SCN9A: variants seen among roughly 807,000 people sequenced by gnomAD.
SCN9A encodes the protein sodium voltage-gated channel alpha subunit 9.
Under a neutral mutation model 187.0 loss-of-function variants are expected in SCN9A, and 131 were observed. The observed-to-expected ratio is 0.70, with a 90% CI of 0.61 to 0.81. SCN9A has a LOEUF of 0.81. Ranked by LOEUF, SCN9A falls within the 30% of genes least tolerant of loss-of-function variation. SCN9A has a pLI of 0.00. For synonymous variants in SCN9A, 809 were observed against 808.6 expected, an observed-to-expected ratio of 1.00 and a Z score of -0.01; for missense variants, 2,252 against 2,396.6, an observed-to-expected ratio of 0.94 and a Z score of 1.26.
intron 1 of SCN9A, among the ~76,000 whole-genome samples, chr2:166,333,042 T>G (rs1324914791): frequency 6.6e-6 from 1 of 151,618 alleles, no homozygotes; most frequent in African/African-American, 2.4e-5. Flanking sequence ...ATAAATAGTA[T>G]AATAAAGTTA....
At chr2:166,372,009 A>C (rs1040893203) in intron 1 of SCN9A, among the ~76,000 whole-genome samples, 1 of 152,100 alleles carries the variant, frequency 6.6e-6, no homozygotes, top group African/African-American at 2.4e-5. Context: ...GTTAATAGCA[A>C]AACTAGTTGT....
chr2:166,313,504 G>C (rs1699030246), intron 1 of SCN9A, among the ~76,000 whole-genome samples: 1 of 151,998 alleles, frequency 6.6e-6, no homozygotes, highest in Non-Finnish European at 1.5e-5. Context: ...CAATCTCATG[G>C]GGTACCGTCT....
At chr2:166,227,647 G>A in intron 23 of SCN9A, 23 bp downstream of exon 23, 1 of 1,357,158 alleles carries the variant, frequency 7.4e-7, no homozygotes, top group Non-Finnish European at 1.0e-6. Flanking sequence ...ATAAAGTTTA[G>A]TGCTAAGATA....
intron 17 of SCN9A, among the ~76,000 whole-genome samples, chr2:166,254,939 T>A (rs1173033267): frequency 6.6e-6 from 1 of 151,500 alleles, no homozygotes; most frequent in Non-Finnish European, 1.5e-5. Context: ...CCTGCCTTTT[T>A]ATTGAATAAT....
intron 2 of SCN9A, among the ~76,000 whole-genome samples, chr2:166,308,857 C>T (rs755619723): frequency 3.7e-5 from 5 of 136,594 alleles, no homozygotes; most frequent in Non-Finnish European, 6.1e-5. Context: ...ACCCGGGAGG[C>T]GGAGCTTGCA....
rs1268542898 is a variant in SCN9A at position 166,222,944 on chromosome 2, AC to A, written c.4398+3622del. Among the ~76,000 whole-genome samples, 45 of 54,988 alleles carry A rather than the reference AC, an allele frequency of 8.2e-4. 4 individuals are homozygous for A. The highest frequency in any genetic ancestry group is 1.4e-3 in the African/African-American group (20 of 13,906). 36.1% of individuals were successfully genotyped at this position (54,988 alleles called of 152,430 possible). A position where few individuals can be genotyped will look rare whatever the true frequency, so the allele number is the denominator to read the frequency against. ...AAACTCCGTCTCAAAAAAAAAAACA[AC>A]AAAAAAAAAAAAAAAAAAAAAAAAA... is the stretch of plus-strand genomic sequence containing the variant. On this transcript the variant is annotated intron_variant, in intron 24 of 26. Coordinates refer to ENST00000642356, the MANE Select transcript of SCN9A (RefSeq NM_001365536.1).
At position 166,284,469 on chromosome 2, in the gene SCN9A, G is replaced by T. The variant is rs778279898; in HGVS notation, c.1958C>A (p.Ala653Glu). ...QLLPEVIIDKATSDDSGTTNQ... is the reference protein window; with the variant it reads ...QLLPEVIIDKETSDDSGTTNQ... The stretch of plus-strand genomic sequence containing the variant: ...CGTCCTTACGCTGTCATCAGAAGTT[G>T]CCTTATCTATTATCACCTCTGGCAG... Residue 653 changes from alanine (A) to glutamate (E), a missense_variant, in exon 12 of 27, where the codon GCA becomes GAA. Ala to Glu is a moderately radical substitution (Grantham distance 107). Around this residue, in one of 7 missense-constraint regions of SCN9A, gnomAD observed 1,013 missense variants for 997.4 expected, o/e 1.02. Coordinates refer to ENST00000642356, the MANE Select transcript of SCN9A (RefSeq NM_001365536.1). 1 of 1,613,098 alleles carries T rather than the reference G, an allele frequency of 6.2e-7. No individual in the cohort carries two copies. Among genetic ancestry groups the T allele is most frequent in the South Asian group, 1.1e-5 (1 of 90,982 alleles).
In SCN9A at chr2:166,346,225, C is replaced by T. The variant is rs868467057; in HGVS notation, c.-51+29472G>A. On this transcript the variant is annotated intron_variant, in intron 1 of 26. Transcript: ENST00000642356. ...ATCAATTTCTCAAAAAGACCATAGG[C>T]CATAAAAATTGAATAGATCATCACA... Among the ~76,000 whole-genome samples the T allele has an allele frequency of 1.3e-5, 2 of 152,230 alleles. 1 individual carries two copies. The highest frequency in any genetic ancestry group is 6.8e-3 in the Middle Eastern group (2 of 294).
intron 1 of SCN9A, among the ~76,000 whole-genome samples, chr2:166,328,908 C>T (rs1259573169): frequency 6.6e-6 from 1 of 152,046 alleles, no homozygotes; most frequent in Non-Finnish European, 1.5e-5. Context: ...TAGTCTACAA[C>T]ATTTGAGTGA....
At chr2:166,290,061 C>T (rs1697971720) in intron 9 of SCN9A, among the ~76,000 whole-genome samples, 1 of 151,854 alleles carries the variant, frequency 6.6e-6, no homozygotes, top group South Asian at 2.1e-4. Context: ...CGTTCTCCCT[C>T]CCCTTGCCTC....
chr2:166,214,715 C>T (rs1278014358), intron 24 of SCN9A, among the ~76,000 whole-genome samples: 4 of 150,924 alleles, frequency 2.7e-5, no homozygotes, highest in African/African-American at 7.3e-5. Flanking sequence ...GGGGTTTCAC[C>T]GTGTTAGCCA....
intron 17 of SCN9A, 58 bp from the exon 18 acceptor site, chr2:166,251,943 T>A (rs1696061306): frequency 1.9e-6 from 3 of 1,575,310 alleles, no homozygotes; most frequent in African/African-American, 2.7e-5. Context: ...TCAAATATGA[T>A]ATTTAAGCCT....
intron 9 of SCN9A, 59 bp from the exon 10 acceptor site, chr2:166,288,702 C>A: frequency 7.5e-7 from 1 of 1,334,096 alleles, no homozygotes; most frequent in South Asian, 1.6e-5. Context: ...TAAATTATTT[C>A]AATTTGACAG....
chr2:166,346,032 C>T (rs571350458), intron 1 of SCN9A, among the ~76,000 whole-genome samples: 9 of 152,174 alleles, frequency 5.9e-5, no homozygotes, highest in South Asian at 4.1e-4. Flanking sequence ...AGAAGAATAC[C>T]TTACTGAAAT....
intron 17 of SCN9A, among the ~76,000 whole-genome samples, chr2:166,268,711 T>A (rs1429070971): frequency 6.6e-6 from 1 of 151,940 alleles, no homozygotes; most frequent in Non-Finnish European, 1.5e-5. Context: ...CAGCTTAATA[T>A]CTTATCAAAC....
At chr2:166,237,975 C>T in intron 20 of SCN9A, 119 bp downstream of exon 20, 1 of 679,050 alleles carries the variant, frequency 1.5e-6, no homozygotes, top group Non-Finnish European at 2.5e-6. Context: ...AACCTATAGC[C>T]TGAAAATATA....
At chr2:166,267,273 G>A (rs1696782196) in intron 17 of SCN9A, among the ~76,000 whole-genome samples, 1 of 151,810 alleles carries the variant, frequency 6.6e-6, no homozygotes. Flanking sequence ...AAGGATACTG[G>A]ATTTTATAAA....
intron 26 of SCN9A, among the ~76,000 whole-genome samples, chr2:166,201,457 A>T (rs28621820): frequency 7.6e-6 from 1 of 131,252 alleles, no homozygotes; most frequent in African/African-American, 2.7e-5. Context: ...TGCGTATACT[A>T]TATATATAGT....
intron 7 of SCN9A, among the ~76,000 whole-genome samples, chr2:166,297,317 T>C (rs1490704969): frequency 6.6e-6 from 1 of 151,568 alleles, no homozygotes; most frequent in Non-Finnish European, 1.5e-5. Context: ...CATGAATGTT[T>C]ACAGCAACAT....
Sources: allele counts gnomAD v4.1 joint callset (sites outside exome capture counted in the v4.1 genomes callset), GRCh38; gene constraint gnomAD v4.1.1; regional missense constraint gnomAD v4.1.1; transcripts MANE v1.5; gene names NCBI Gene and HGNC (gene_info 2026-07-23, HGNC 2026-07-21).